Variants in SLC10A7 observed in about 807,000 individuals in gnomAD.
The protein encoded by SLC10A7 is solute carrier family 10 member 7, also known as sodium/bile acid cotransporter 7.
In SLC10A7, 29 loss-of-function variants were observed where a neutral mutation model predicts 43.2. That is an observed-to-expected ratio of 0.67 (90% confidence interval 0.50 to 0.92). The LOEUF (loss-of-function observed/expected upper bound fraction) is 0.92, where lower values mean the gene tolerates loss of function less well. Among genes scored for constraint, SLC10A7 ranks in the 40% least tolerant of loss-of-function variants. SLC10A7 has a pLI of 0.00. For synonymous variants in SLC10A7, 152 were observed against 144.8 expected (o/e 1.05, Z -0.35); for missense variants, 295 against 403.2 (o/e 0.73, Z 2.30).
chr4:146,307,149 G>T (rs576732988), intron 6 of SLC10A7, among the ~76,000 whole-genome samples: 2 of 152,126 alleles, frequency 1.3e-5, no homozygotes, highest in African/African-American at 4.8e-5. Flanking sequence ...TCTCCACTCC[G>T]ACACATTGTA....
intron 10 of SLC10A7, among the ~76,000 whole-genome samples, chr4:146,259,063 G>C (rs1290834424): frequency 6.6e-6 from 1 of 152,166 alleles, no homozygotes; most frequent in East Asian, 1.9e-4. Flanking sequence ...GTCAGTATTC[G>C]AGGGTACCAA....
intron 9 of SLC10A7, among the ~76,000 whole-genome samples, chr4:146,284,829 A>G (rs952597989): frequency 6.6e-6 from 1 of 152,084 alleles, no homozygotes; most frequent in African/African-American, 2.4e-5. Context: ...GGAGTTCCAT[A>G]AGGTTCCGTA....
intron 9 of SLC10A7, among the ~76,000 whole-genome samples, chr4:146,284,121 T>C (rs1273557105): frequency 6.6e-6 from 1 of 152,188 alleles, no homozygotes; most frequent in Non-Finnish European, 1.5e-5. Context: ...ATTGTTATGA[T>C]TGTGCCCTTA....
At chr4:146,440,101 T>G (rs1730482530) in intron 5 of SLC10A7, among the ~76,000 whole-genome samples, 1 of 152,170 alleles carries the variant, frequency 6.6e-6, no homozygotes, top group Non-Finnish European at 1.5e-5. Flanking sequence ...TATTTTCCTC[T>G]TCTTTCTTAG....
chr4:146,372,304 A>C (rs1736846376), intron 5 of SLC10A7, among the ~76,000 whole-genome samples: 1 of 151,934 alleles, frequency 6.6e-6, no homozygotes, highest in South Asian at 2.1e-4. Flanking sequence ...AAATACAAAA[A>C]TCAGCTGGAC....
chr4:146,415,129 A>G (rs1234734703), intron 5 of SLC10A7, among the ~76,000 whole-genome samples: 1 of 152,212 alleles, frequency 6.6e-6, no homozygotes, highest in Non-Finnish European at 1.5e-5. Context: ...GTGAGTCAGG[A>G]TTCAGTACTG....
At chr4:146,442,305 AT>A (rs1426196374) in intron 5 of SLC10A7, 9 of 985,070 alleles carry the variant, frequency 9.1e-6, no homozygotes, top group Admixed American at 1.2e-4. Flanking sequence ...TTCCTTTCAA[AT>A]TTTTTTTCAC....
chr4:146,307,336 A>G (rs1239409573), intron 6 of SLC10A7, among the ~76,000 whole-genome samples: 2 of 152,216 alleles, frequency 1.3e-5, no homozygotes, highest in Non-Finnish European at 2.9e-5. Context: ...CACAACCAAT[A>G]TAAACTAAAA....
intron 5 of SLC10A7, among the ~76,000 whole-genome samples, chr4:146,342,530 T>C (rs1276873885): frequency 3.3e-5 from 5 of 151,796 alleles, no homozygotes; most frequent in African/African-American, 1.2e-4. Context: ...AGAATGTCTT[T>C]ATATGTGAAT....
At chr4:146,336,399 A>T (rs375120913) in intron 5 of SLC10A7, among the ~76,000 whole-genome samples, 16 of 152,216 alleles carry the variant, frequency 1.1e-4, no homozygotes, top group African/African-American at 3.8e-4. Flanking sequence ...CTTACAACCC[A>T]CTATTTAATG....
chr4:146,378,863 A>G lies in SLC10A7; in HGVS notation c.436-52867T>C, dbSNP rs532918383. Among the ~76,000 whole-genome samples the G allele has an allele frequency of 2.1e-4, 32 of 152,234 alleles. 1 individual carries two copies. Among genetic ancestry groups the G allele is most frequent in the South Asian group, 1.7e-3 (8 of 4,820 alleles). On this transcript the variant is annotated intron_variant, in intron 5 of 11. Coordinates refer to ENST00000335472, the MANE Select transcript of SLC10A7 (RefSeq NM_001029998.6). ...CCCATCCTTGGCAACTCAAAGCCCA[A>G]TGGGAAGGCTGATGATAGAAGATCA...
chr4:146,329,771 A>G (rs933729718), intron 5 of SLC10A7, among the ~76,000 whole-genome samples: 18 of 152,208 alleles, frequency 1.2e-4, no homozygotes, highest in African/African-American at 4.1e-4. Flanking sequence ...ATCAGTGGTA[A>G]AAAGGGTGAG....
intron 10 of SLC10A7, among the ~76,000 whole-genome samples, chr4:146,278,066 T>C (rs1729320150): frequency 6.6e-6 from 1 of 152,132 alleles, no homozygotes; most frequent in Non-Finnish European, 1.5e-5. Flanking sequence ...GTAAAGCAAT[T>C]TTTGGTCTTC....
At chr4:146,476,305 G>A (rs1734025760) in intron 4 of SLC10A7, among the ~76,000 whole-genome samples, 1 of 152,164 alleles carries the variant, frequency 6.6e-6, no homozygotes, top group South Asian at 2.1e-4. Flanking sequence ...ACAAAGAGAT[G>A]ATAGGTGCAG....
intron 5 of SLC10A7, among the ~76,000 whole-genome samples, chr4:146,349,320 C>A (rs1734850261): frequency 6.6e-6 from 1 of 152,164 alleles, no homozygotes; most frequent in South Asian, 2.1e-4. Context: ...GACACCATCT[C>A]ACACCAGTCA....
At chr4:146,518,156 G>A (rs1403554860) in intron 1 of SLC10A7, among the ~76,000 whole-genome samples, 1 of 152,094 alleles carries the variant, frequency 6.6e-6, no homozygotes, top group African/African-American at 2.4e-5. Flanking sequence ...TTTGTGACAT[G>A]TACACAATTG....
At chr4:146,278,794 G>A (rs926076750) in intron 10 of SLC10A7, among the ~76,000 whole-genome samples, 1 of 152,074 alleles carries the variant, frequency 6.6e-6, no homozygotes, top group African/African-American at 2.4e-5. Context: ...GAGGCCTATG[G>A]CAATTAAGTG....
At position 146,379,957 on chromosome 4, in the gene SLC10A7, C is replaced by CTG. The variant is rs1390456740; in HGVS notation, c.436-53962_436-53961insCA. Among the ~76,000 whole-genome samples the CTG allele has an allele frequency of 9.8e-3, 1,410 of 143,816 alleles. 19 individuals carry two copies. The highest frequency in any genetic ancestry group is 0.037 in the African/African-American group (1,301 of 34,868). The allele number at this position is 143,816 out of a possible 152,430, so 94.3% of individuals were successfully genotyped here. On this transcript the variant is annotated intron_variant, in intron 5 of 11. Coordinates refer to ENST00000335472, the MANE Select transcript of SLC10A7 (RefSeq NM_001029998.6). ...TAATTCTCTCTCTCTCTCTCTCTCT[C>CTG]TCTGTGTGTGTGTGTGTGTGTGTGT...
At chr4:146,410,587 C>G (rs545390065) in intron 5 of SLC10A7, among the ~76,000 whole-genome samples, 1 of 152,012 alleles carries the variant, frequency 6.6e-6, no homozygotes, top group Non-Finnish European at 1.5e-5. Context: ...TGGATCAAGG[C>G]TAATAAGTTG....
Sources: allele counts gnomAD v4.1 joint callset (sites outside exome capture counted in the v4.1 genomes callset), GRCh38; gene constraint gnomAD v4.1.1; transcripts MANE v1.5; gene names NCBI Gene and HGNC (gene_info 2026-07-23, HGNC 2026-07-21).